KALRN: variants seen among roughly 807,000 people sequenced by gnomAD.
KALRN encodes the protein kalirin.
KALRN carries 70 observed loss-of-function variants against 353.7 expected under a neutral mutation model. The ratio of observed to expected loss-of-function variants is 0.20; its 90% CI spans 0.16 to 0.24. The LOEUF (loss-of-function observed/expected upper bound fraction) is 0.24. Among genes scored for constraint, KALRN ranks in the 10% least tolerant of loss-of-function variants. The probability of loss-of-function intolerance (pLI) is 1.00; values close to 1 mark genes in which losing one functional copy is unlikely to be tolerated. For synonymous variants in KALRN, 1,391 were observed against 1,434.8 expected (o/e 0.97, Z 0.69); for missense variants, 2,791 against 3,756.7 (o/e 0.74, Z 6.72).
At chr3:124,193,733 A>G (rs2075161816) in intron 1 of KALRN, among the ~76,000 whole-genome samples, 1 of 152,112 alleles carries the variant, frequency 6.6e-6, no homozygotes, top group Non-Finnish European at 1.5e-5. Context: ...AACCTTTGGT[A>G]TATGCCCTCG....
chr3:124,650,673 G>A, intron 37 of KALRN, 135 bp from the exon 38 acceptor site: 1 of 825,690 alleles, frequency 1.2e-6, no homozygotes, highest in African/African-American at 1.7e-5. Flanking sequence ...GTCTGCTAGT[G>A]CTTCACTGTG....
At chr3:124,063,842 A>C (rs2042150440) in intron 1 of KALRN, among the ~76,000 whole-genome samples, 2 of 152,204 alleles carry the variant, frequency 1.3e-5, no homozygotes, top group African/African-American at 4.8e-5. Flanking sequence ...GACTTTGGCT[A>C]GTAGGGATCA....
At chr3:124,182,462 G>A (rs995998035) in intron 1 of KALRN, among the ~76,000 whole-genome samples, 2 of 152,202 alleles carry the variant, frequency 1.3e-5, no homozygotes, top group Non-Finnish European at 2.9e-5. Flanking sequence ...TCTGGTCTTT[G>A]TTATGTGGGC....
At chr3:124,327,958 G>A (rs2080092696) in intron 7 of KALRN, among the ~76,000 whole-genome samples, 2 of 152,204 alleles carry the variant, frequency 1.3e-5, no homozygotes, top group South Asian at 4.1e-4. Flanking sequence ...GTAATGTGGA[G>A]CTAATCATAA....
intron 1 of KALRN, among the ~76,000 whole-genome samples, chr3:124,211,946 C>G (rs770214929): frequency 6.6e-5 from 10 of 152,092 alleles, no homozygotes; most frequent in Non-Finnish European, 1.5e-4. Flanking sequence ...GAGGTCAGAG[C>G]CTTTCTAGAG....
At chr3:124,384,603 C>T in intron 10 of KALRN, 1 of 406,226 alleles carries the variant, frequency 2.5e-6, no homozygotes, top group Non-Finnish European at 4.4e-6. Context: ...CCACTTCTTT[C>T]CAGGGACACT....
intron 1 of KALRN, among the ~76,000 whole-genome samples, chr3:124,123,543 T>C (rs1041561555): frequency 2.0e-5 from 3 of 152,226 alleles, no homozygotes; most frequent in Non-Finnish European, 4.4e-5. Flanking sequence ...CTTTACAACA[T>C]AAAAATGCAA....
At chr3:124,452,368 C>G (rs2058870706) in intron 21 of KALRN, among the ~76,000 whole-genome samples, 1 of 152,172 alleles carries the variant, frequency 6.6e-6, no homozygotes, top group Admixed American at 6.5e-5. Flanking sequence ...TTTCTAGACA[C>G]TGGAGATATA....
At chr3:124,714,017 T>C (rs2063015576) in intron 58 of KALRN, among the ~76,000 whole-genome samples, 1 of 151,572 alleles carries the variant, frequency 6.6e-6, no homozygotes, top group African/African-American at 2.4e-5. Flanking sequence ...AATTTATTTA[T>C]GATAAAATAA....
intron 1 of KALRN, among the ~76,000 whole-genome samples, chr3:124,217,018 A>G (rs966732368): frequency 1.3e-5 from 2 of 152,088 alleles, no homozygotes; most frequent in Non-Finnish European, 2.9e-5. Context: ...TTCTCTTCTT[A>G]CTGCTTTTTC....
intron 25 of KALRN, 169 bp downstream of exon 25, chr3:124,462,802 G>A (rs939276494): frequency 1.4e-4 from 76 of 557,928 alleles, no homozygotes; most frequent in Middle Eastern, 9.6e-4. Context: ...ATAATTGTCC[G>A]AAAGTCCTAG....
At chr3:124,670,608 C>T (rs1432487267) in intron 47 of KALRN, among the ~76,000 whole-genome samples, 1 of 152,196 alleles carries the variant, frequency 6.6e-6, no homozygotes, top group Non-Finnish European at 1.5e-5. Context: ...ATGTACCTAT[C>T]ACAGTAGAAA....
At chr3:124,559,226 T>C (rs1188470114) in intron 33 of KALRN, among the ~76,000 whole-genome samples, 1 of 151,904 alleles carries the variant, frequency 6.6e-6, no homozygotes, top group Non-Finnish European at 1.5e-5. Context: ...TGGGAAGCAT[T>C]GCGGAGGGTG....
intron 10 of KALRN, among the ~76,000 whole-genome samples, chr3:124,383,109 CA>C (rs1326736171): frequency 2.0e-5 from 3 of 152,142 alleles, no homozygotes; most frequent in Admixed American, 2.0e-4. Context: ...CCGGTCTCAC[CA>C]GCATTGGAAC....
chr3:124,190,764 A>C (rs1237300355), intron 1 of KALRN, among the ~76,000 whole-genome samples: 1 of 152,232 alleles, frequency 6.6e-6, no homozygotes, highest in Non-Finnish European at 1.5e-5. Context: ...ACACAGAAAA[A>C]GGTGTGGGGA....
intron 48 of KALRN, 41 bp from the exon 49 acceptor site, chr3:124,674,323 G>T (rs750370106): frequency 6.3e-7 from 1 of 1,584,920 alleles, no homozygotes; most frequent in Non-Finnish European, 8.6e-7. Context: ...GTGAACTAGC[G>T]TCCTTGTGTT....
chr3:124,153,076 A>G (rs2068413314), intron 1 of KALRN: 1 of 162,158 alleles, frequency 6.2e-6, no homozygotes, highest in African/African-American at 2.4e-5. Flanking sequence ...AATTTTTTTT[A>G]ATTCTTTTTT....
chr3:124,603,111 C>T (rs1192878727), intron 34 of KALRN, among the ~76,000 whole-genome samples: 2 of 152,102 alleles, frequency 1.3e-5, no homozygotes, highest in Admixed American at 6.5e-5. Context: ...AACCCTCTGC[C>T]GCCAAAGCTC....
intron 5 of KALRN, among the ~76,000 whole-genome samples, chr3:124,278,716 T>C (rs2075037948): frequency 6.6e-6 from 1 of 152,196 alleles, no homozygotes; most frequent in East Asian, 1.9e-4. Flanking sequence ...GAATGCCCCA[T>C]CACTGGGCAA....
Sources: allele counts gnomAD v4.1 joint callset (sites outside exome capture counted in the v4.1 genomes callset), GRCh38; gene constraint gnomAD v4.1.1; transcripts MANE v1.5; gene names NCBI Gene and HGNC (gene_info 2026-07-23, HGNC 2026-07-21).